PPFIA2: variants seen among roughly 807,000 people sequenced by gnomAD.
PPFIA2 encodes liprin-alpha-2.
In PPFIA2, 46 loss-of-function variants were observed where a neutral mutation model predicts 175.5. The ratio of observed to expected loss-of-function variants is 0.26; its 90% CI spans 0.21 to 0.34. The LOEUF is 0.34. PPFIA2 is among the 10% of genes least tolerant of loss of function. PPFIA2 has a pLI of 1.00. For missense variants in PPFIA2, 1,179 were observed against 1,506.1 expected (o/e 0.78, Z 3.60); for synonymous variants, 568 against 511.4 (o/e 1.11, Z -1.49).
intron 4 of PPFIA2, among the ~76,000 whole-genome samples, chr12:81,642,540 G>C (rs2065111582): frequency 6.8e-6 from 1 of 147,868 alleles, no homozygotes; most frequent in Admixed American, 6.8e-5. Flanking sequence ...TACAATAAGG[G>C]ACAATGGATA....
intron 22 of PPFIA2, chr12:81,302,092 C>T: frequency 3.3e-6 from 1 of 305,888 alleles, no homozygotes; most frequent in Non-Finnish European, 6.5e-6. Flanking sequence ...AACAAAATGC[C>T]AATCAGTGTT....
intron 7 of PPFIA2, among the ~76,000 whole-genome samples, chr12:81,414,455 A>G (rs2044575022): frequency 6.6e-6 from 1 of 151,738 alleles, no homozygotes; most frequent in African/African-American, 2.4e-5. Flanking sequence ...CCCTGAAAAA[A>G]AATTAACTAC....
rs565512358 is a variant in PPFIA2 at position 81,705,186 on chromosome 12, A to C, written c.250-28342T>G. Among the ~76,000 whole-genome samples, 9 of 149,244 alleles carry C rather than the reference A, an allele frequency of 6.0e-5. No homozygotes were observed. The South Asian group carries it at 1.9e-3, about 32-fold the overall frequency. On this transcript the variant is annotated intron_variant, in intron 3 of 32. Transcript: ENST00000549396. ...AAGATACGGCCGGGCGCAGTGGCTC[A>C]CTCCTATAATCCCAGCAGTTTGGGA...
At chr12:81,685,599 T>G (rs2074326220) in intron 3 of PPFIA2, among the ~76,000 whole-genome samples, 1 of 152,028 alleles carries the variant, frequency 6.6e-6, no homozygotes, top group South Asian at 2.1e-4. Flanking sequence ...GTCACAGGTT[T>G]CATAGTATTC....
intron 3 of PPFIA2, among the ~76,000 whole-genome samples, chr12:81,708,626 A>C (rs2077508501): frequency 6.6e-6 from 1 of 152,218 alleles, no homozygotes; most frequent in Admixed American, 6.5e-5. Flanking sequence ...TACTTTGTTT[A>C]GGGAATCTCT....
At chr12:81,611,673 C>G (rs1379186699) in intron 4 of PPFIA2, among the ~76,000 whole-genome samples, 1 of 152,248 alleles carries the variant, frequency 6.6e-6, no homozygotes, top group Admixed American at 6.5e-5. Context: ...AAGTTCAGCT[C>G]TCTTCTGGCT....
At chr12:81,756,830 C>A (rs939922318) in intron 2 of PPFIA2, among the ~76,000 whole-genome samples, 8 of 152,082 alleles carry the variant, frequency 5.3e-5, no homozygotes, top group Non-Finnish European at 1.2e-4. Flanking sequence ...CATTCTGCTG[C>A]TGTAAAGGTT....
chr12:81,531,974 C>G (rs571680185), intron 4 of PPFIA2, among the ~76,000 whole-genome samples: 1 of 151,802 alleles, frequency 6.6e-6, no homozygotes, highest in Non-Finnish European at 1.5e-5. Flanking sequence ...ATAATGGACA[C>G]ATTTCTTGAT....
chr12:81,394,438 T>G (rs572029388), intron 8 of PPFIA2, among the ~76,000 whole-genome samples: 1 of 152,102 alleles, frequency 6.6e-6, no homozygotes, highest in Non-Finnish European at 1.5e-5. Context: ...TTTTAAAAAT[T>G]TCACTTCTGT....
intron 4 of PPFIA2, among the ~76,000 whole-genome samples, chr12:81,519,389 T>C (rs1300909242): frequency 6.6e-6 from 1 of 152,176 alleles, no homozygotes; most frequent in Non-Finnish European, 1.5e-5. Context: ...TCCCAAATTA[T>C]TAATTACATC....
rs2032698340 is a variant in PPFIA2 at position 81,365,079 on chromosome 12, G to A, written c.1545+2029C>T. Among the ~76,000 whole-genome samples the A allele has an allele frequency of 2.6e-5, 4 of 151,844 alleles. No individual in the cohort carries two copies. In the South Asian group the frequency reaches 8.3e-4, roughly 32 times the overall value. ...CCCAGTAGGTAATCTAAATTTGGATGTGCTCAATTTATAGATGGTGTTTAA... is the reference window on the plus strand; with the variant it reads ...CCCAGTAGGTAATCTAAATTTGGATATGCTCAATTTATAGATGGTGTTTAA... On this transcript the variant is annotated intron_variant, in intron 14 of 32. Coordinates refer to ENST00000549396, the MANE Select transcript of PPFIA2 (RefSeq NM_003625.5).
At chr12:81,359,404 G>A (rs1343033995) in intron 15 of PPFIA2, among the ~76,000 whole-genome samples, 1 of 151,072 alleles carries the variant, frequency 6.6e-6, no homozygotes, top group African/African-American at 2.4e-5. Context: ...ATGTATTTGA[G>A]ACTTAATCAA....
At chr12:81,302,639 G>A (rs1451384882) in intron 22 of PPFIA2, 2 of 445,168 alleles carry the variant, frequency 4.5e-6, no homozygotes, top group South Asian at 1.6e-5. Context: ...GGGAGGGATG[G>A]CTAGGTTTTA....
intron 8 of PPFIA2, 39 bp downstream of exon 8, chr12:81,405,748 T>C: frequency 1.8e-6 from 2 of 1,140,078 alleles, no homozygotes; most frequent in Non-Finnish European, 2.5e-6. Context: ...ATATAAGAAG[T>C]AAACATTTCC....
At chr12:81,406,879 C>T (rs944488557) in intron 7 of PPFIA2, among the ~76,000 whole-genome samples, 3 of 152,078 alleles carry the variant, frequency 2.0e-5, no homozygotes, top group East Asian at 1.9e-4. Flanking sequence ...TGTCACAAGA[C>T]GAATAATCAT....
Position 81,533,378 on chromosome 12 carries a change from T to A in PPFIA2, c.304-75512A>T, listed in dbSNP as rs886365768. On this transcript the variant is annotated intron_variant, in intron 4 of 32. Transcript: ENST00000549396. Reference sequence around the variant, plus strand: ...CATATATTTTTAAATAGTTTGTATATTCAATGCCTTTCTTATCCTATTCTT... The same window carrying A: ...CATATATTTTTAAATAGTTTGTATAATCAATGCCTTTCTTATCCTATTCTT... Among the ~76,000 whole-genome samples the A allele has an allele frequency of 5.9e-5, 9 of 151,772 alleles. No homozygotes were observed. In the East Asian group the frequency reaches 9.7e-4, roughly 16 times the overall value.
At chr12:81,579,798 T>C (rs529822577) in intron 4 of PPFIA2, among the ~76,000 whole-genome samples, 28 of 152,034 alleles carry the variant, frequency 1.8e-4, no homozygotes, top group Non-Finnish European at 3.2e-4. Flanking sequence ...ACTCCATCTC[T>C]TATACACTAT....
intron 4 of PPFIA2, among the ~76,000 whole-genome samples, chr12:81,531,094 G>A (rs2153276830): frequency 6.6e-6 from 1 of 151,836 alleles, no homozygotes; most frequent in Non-Finnish European, 1.5e-5. Context: ...TCAATTCTTT[G>A]GTCTGAGTTA....
Position 81,259,590 on chromosome 12 carries a change from A to T in PPFIA2, c.*104T>A. 6.6e-7 allele frequency: 1 copy of T among 1,513,898 alleles called. No homozygotes were observed. The highest frequency in any genetic ancestry group is 8.9e-7 in the Non-Finnish European group (1 of 1,128,060). 93.8% of individuals were successfully genotyped at this position (1,513,898 alleles called of 1,614,324 possible). A position where few individuals can be genotyped will look rare whatever the true frequency, so the allele number is the denominator to read the frequency against. On this transcript the variant is annotated 3_prime_UTR_variant, in exon 33 of 33. Coordinates refer to ENST00000549396, the MANE Select transcript of PPFIA2 (RefSeq NM_003625.5). ...ATTATTTCCTTAGAATTCAGTTTTC[A>T]CAAAGGTTTTCACTGCTCGTCTTCT...
Sources: allele counts gnomAD v4.1 joint callset (sites outside exome capture counted in the v4.1 genomes callset), GRCh38; gene constraint gnomAD v4.1.1; transcripts MANE v1.5; gene names NCBI Gene and HGNC (gene_info 2026-07-23, HGNC 2026-07-21).